Variants in NT5DC1 observed in about 807,000 individuals in gnomAD.
NT5DC1 encodes 5'-nucleotidase domain containing 1, also known as 5'-nucleotidase domain-containing protein 1.
A neutral mutation model predicts 59.4 loss-of-function variants in NT5DC1; 42 were observed. The observed-to-expected ratio is 0.71, with a 90% confidence interval of 0.55 to 0.92. The LOEUF is 0.92. NT5DC1 is among the 40% of genes least tolerant of loss of function. The pLI, the probability that NT5DC1 is intolerant of heterozygous loss-of-function variation, is 0.00. For synonymous variants in NT5DC1, 172 were observed against 188.1 expected (o/e 0.91, Z 0.70); for missense variants, 501 against 537.1 (o/e 0.93, Z 0.66).
intron 6 of NT5DC1, among the ~76,000 whole-genome samples, chr6:116,213,861 G>C (rs1781636043): frequency 6.6e-6 from 1 of 151,966 alleles, no homozygotes; most frequent in Non-Finnish European, 1.5e-5. Context: ...ATTCTTATTG[G>C]GGATTTTGTG....
chr6:116,118,157 C>T lies in NT5DC1; in HGVS notation c.529+212C>T, dbSNP rs547923703. The T allele has an allele frequency of 1.4e-4, 81 of 561,772 alleles. No homozygotes were observed. In the South Asian group the frequency reaches 1.5e-3, roughly 10 times the overall value. 34.8% of individuals were successfully genotyped at this position (561,772 alleles called of 1,614,324 possible). ...ATAATTGCCCATATTCCAAGCTGTG[C>T]TGTTACACTCTCCTTTACCACGCCT... is the stretch of plus-strand genomic sequence containing the variant. On this transcript the variant is annotated intron_variant, in intron 6 of 11. Transcript: ENST00000319550.
At chr6:116,197,522 G>GC (rs1781259523) in intron 6 of NT5DC1, among the ~76,000 whole-genome samples, 1 of 151,972 alleles carries the variant, frequency 6.6e-6, no homozygotes, top group African/African-American at 2.4e-5. Context: ...CAAACAGCCA[G>GC]GTACAGCGGT....
intron 8 of NT5DC1, among the ~76,000 whole-genome samples, chr6:116,226,788 G>A (rs1283593485): frequency 6.6e-6 from 1 of 151,692 alleles, no homozygotes; most frequent in Non-Finnish European, 1.5e-5. Flanking sequence ...TTTACATTTT[G>A]GGTTGTATAA....
At chr6:116,192,237 T>TTGTATTATGAGTGAGATAATATA (rs1444805865) in intron 6 of NT5DC1, among the ~76,000 whole-genome samples, 1 of 152,004 alleles carries the variant, frequency 6.6e-6, no homozygotes, top group Non-Finnish European at 1.5e-5. Flanking sequence ...TTGGGATAAG[T>TTGTATTATGAGTGAGATAATATA]TGTATTATGA....
rs1778806445 is a variant in NT5DC1 at position 116,108,394 on chromosome 6, T to C, written c.216T>C (p.Asp72=). The C allele has an allele frequency of 6.2e-7, 1 of 1,610,336 alleles. No homozygotes were observed. The highest frequency in any genetic ancestry group is 8.5e-7 in the Non-Finnish European group (1 of 1,176,794). ...CCKGLALDLE[D]GNFLKLANNG... is the part of the protein sequence containing the mutation. ...AAGGTTTGGCATTGGATCTAGAAGA[T>C]GGGAACTTCCTTAAACTTGCAAATA... The change falls in exon 3 of 12, where the codon GAT becomes GAC. Residue 72 remains aspartate, a synonymous_variant. Coordinates refer to ENST00000319550, the MANE Select transcript of NT5DC1 (RefSeq NM_152729.3).
intron 6 of NT5DC1, 143 bp downstream of exon 6, chr6:116,118,088 A>G (rs1054751338): frequency 3.0e-6 from 2 of 675,612 alleles, no homozygotes; most frequent in Non-Finnish European, 5.4e-6. Flanking sequence ...GTTGGTTCTG[A>G]CTACATTTTC....
chr6:116,221,738 G>T (rs530210424), intron 7 of NT5DC1, among the ~76,000 whole-genome samples: 6 of 152,286 alleles, frequency 3.9e-5, no homozygotes, highest in African/African-American at 1.4e-4. Context: ...GCCCCGCTCT[G>T]CAGTTTACTG....
intron 6 of NT5DC1, among the ~76,000 whole-genome samples, chr6:116,178,110 C>CGTGT (rs368898636): frequency 7.7e-5 from 9 of 117,558 alleles, no homozygotes; most frequent in East Asian, 4.6e-4. Flanking sequence ...CGCGTGCGTG[C>CGTGT]GTGTGTGTGT....
chr6:116,218,498 G>A (rs1439158869), intron 6 of NT5DC1, among the ~76,000 whole-genome samples: 12 of 152,120 alleles, frequency 7.9e-5, no homozygotes, highest in Non-Finnish European at 1.0e-4. Context: ...AGTTACGAGA[G>A]AGACACAGCC....
In NT5DC1 at chr6:116,245,529, C is replaced by CA. The variant is rs1419677178; in HGVS notation, c.*1507dup. ...GTCAGTAGCTTTGTTTGATATTTAA[C>CA]AATAAGTATATGGTGATATACTTGA... On this transcript the variant is annotated 3_prime_UTR_variant, in exon 12 of 12. Transcript: ENST00000319550. 1.3e-5 allele frequency: 2 copies of CA among 152,302 alleles called. No homozygotes were observed. The highest frequency in any genetic ancestry group is 2.4e-5 in the African/African-American group (1 of 41,374). 9.4% of individuals were successfully genotyped at this position (152,302 alleles called of 1,614,324 possible).
intron 6 of NT5DC1, among the ~76,000 whole-genome samples, chr6:116,124,503 A>G (rs1779232794): frequency 6.6e-6 from 1 of 152,228 alleles, no homozygotes; most frequent in Non-Finnish European, 1.5e-5. Flanking sequence ...CAACAGATTC[A>G]AGAAGAAAGT....
chr6:116,187,597 G>A lies in NT5DC1; in HGVS notation c.530-33457G>A, dbSNP rs190126976. 5.9e-5 allele frequency among the ~76,000 whole-genome samples: 9 copies of A among 152,198 alleles called. No homozygotes were observed. In the East Asian group the frequency reaches 1.7e-3, roughly 29 times the overall value. On this transcript the variant is annotated intron_variant, in intron 6 of 11. Coordinates refer to ENST00000319550, the MANE Select transcript of NT5DC1 (RefSeq NM_152729.3). ...AGACACATGCTTGATGACAGAACAG[G>A]TACAGCAGAGCAGTGGGGAAAGGAC...
intron 6 of NT5DC1, chr6:116,145,302 T>C (rs1170261472): frequency 4.8e-6 from 1 of 208,338 alleles, no homozygotes; most frequent in East Asian, 1.1e-4. Context: ...TCCCTTATCA[T>C]ACGTTTTGTC....
chr6:116,181,031 G>A (rs1780860974), intron 6 of NT5DC1, among the ~76,000 whole-genome samples: 1 of 151,818 alleles, frequency 6.6e-6, no homozygotes, highest in Non-Finnish European at 1.5e-5. Flanking sequence ...ATACTTAAAG[G>A]TATTTTGGGA....
chr6:116,169,929 A>T (rs1780567373), intron 6 of NT5DC1, among the ~76,000 whole-genome samples: 1 of 152,230 alleles, frequency 6.6e-6, no homozygotes, highest in Non-Finnish European at 1.5e-5. Context: ...TAAGGAAGAA[A>T]GGAAAACAAC....
chr6:116,114,463 G>A (rs1427284291), intron 4 of NT5DC1, among the ~76,000 whole-genome samples: 2 of 137,738 alleles, frequency 1.5e-5, no homozygotes, highest in Non-Finnish European at 3.1e-5. Context: ...GCTGAACACT[G>A]TGCCCAGTCA....
Position 116,174,470 on chromosome 6 carries a change from C to T in NT5DC1, c.530-46584C>T, listed in dbSNP as rs190939033. On this transcript the variant is annotated intron_variant, in intron 6 of 11. Transcript: ENST00000319550. ...AATGAAATAACCAACTTAAATTATGCTCATAACTAGATTAAATGTATTTTT... is the reference window on the plus strand; with the variant it reads ...AATGAAATAACCAACTTAAATTATGTTCATAACTAGATTAAATGTATTTTT... Among the ~76,000 whole-genome samples, 22 of 152,238 alleles carry T rather than the reference C, an allele frequency of 1.4e-4. 1 individual carries two copies. The East Asian group carries it at 4.0e-3, about 28-fold the overall frequency.
At chr6:116,103,023 A>G (rs1242929737) in intron 1 of NT5DC1, among the ~76,000 whole-genome samples, 1 of 152,166 alleles carries the variant, frequency 6.6e-6, no homozygotes, top group Non-Finnish European at 1.5e-5. Context: ...GCCCACCTTC[A>G]GTTTTCCACA....
intron 6 of NT5DC1, among the ~76,000 whole-genome samples, chr6:116,178,744 G>T (rs940343756): frequency 1.3e-5 from 2 of 152,148 alleles, no homozygotes; most frequent in South Asian, 4.1e-4. Flanking sequence ...CTTGATTGAT[G>T]CCTCCCAAAA....
Sources: gnomAD v4.1 joint callset for allele counts (sites outside exome capture counted in the v4.1 genomes callset) on GRCh38, gnomAD v4.1.1 for gene constraint, MANE v1.5 for transcripts, NCBI Gene and HGNC (gene_info 2026-07-23, HGNC 2026-07-21) for gene names.